TRIM37: variants seen among roughly 807,000 people sequenced by gnomAD.
TRIM37 encodes tripartite motif containing 37.
Under a neutral mutation model 129.8 loss-of-function variants are expected in TRIM37, and 80 were observed. The ratio of observed to expected loss-of-function variants is 0.62; its 90% CI spans 0.51 to 0.74. The LOEUF (loss-of-function observed/expected upper bound fraction) is 0.74. Among genes scored for constraint, TRIM37 ranks in the 30% least tolerant of loss-of-function variants. The pLI, the probability that TRIM37 is intolerant of heterozygous loss-of-function variation, is 0.00. For synonymous variants in TRIM37, 389 were observed against 387.1 expected (o/e 1.00, Z -0.06); for missense variants, 1,054 against 1,176.5 (o/e 0.90, Z 1.52).
chr17:59,103,820 G>T (rs542830099), intron 2 of TRIM37, among the ~76,000 whole-genome samples: 2 of 151,726 alleles, frequency 1.3e-5, no homozygotes, highest in African/African-American at 4.8e-5. Context: ...GCTAATTTTT[G>T]TATTTTTAGT....
At chr17:59,026,878 T>A (rs908356444) in intron 19 of TRIM37, among the ~76,000 whole-genome samples, 3 of 152,230 alleles carry the variant, frequency 2.0e-5, no homozygotes, top group African/African-American at 7.2e-5. Flanking sequence ...CTTCTTGAGA[T>A]GCATTATTTT....
intron 17 of TRIM37, among the ~76,000 whole-genome samples, chr17:59,041,069 T>C (rs1407514019): frequency 6.6e-6 from 1 of 151,372 alleles, no homozygotes; most frequent in Admixed American, 6.6e-5. Context: ...AAAAAAAGAA[T>C]ATGCCAGTGT....
At chr17:59,063,294 C>T (rs2041656443) in intron 10 of TRIM37, among the ~76,000 whole-genome samples, 1 of 152,272 alleles carries the variant, frequency 6.6e-6, no homozygotes, top group East Asian at 1.9e-4. Flanking sequence ...ATTCTCCTGC[C>T]TCAGCCTCCC....
At chr17:59,101,297 G>A (rs1345359056) in intron 2 of TRIM37, among the ~76,000 whole-genome samples, 3 of 151,946 alleles carry the variant, frequency 2.0e-5, no homozygotes, top group African/African-American at 7.3e-5. Flanking sequence ...GAGGCTTCTG[G>A]GGAAAAGAAA....
At chr17:58,991,129 C>T (rs936716663) in intron 24 of TRIM37, among the ~76,000 whole-genome samples, 24 of 144,248 alleles carry the variant, frequency 1.7e-4, no homozygotes, top group African/African-American at 5.9e-4. Context: ...GAGCTGAGAT[C>T]GCAGTATTGC....
intron 2 of TRIM37, among the ~76,000 whole-genome samples, chr17:59,097,961 A>C (rs1042970531): frequency 6.6e-6 from 1 of 152,216 alleles, no homozygotes; most frequent in Non-Finnish European, 1.5e-5. Context: ...TTTAAAATTC[A>C]CATGGAATCT....
Position 58,988,815 on chromosome 17 carries a change from C to A in TRIM37, c.2892-5894G>T, listed in dbSNP as rs564483395. Among the ~76,000 whole-genome samples the A allele has an allele frequency of 4.6e-5, 7 of 152,272 alleles. No homozygotes were observed. The East Asian group carries it at 1.3e-3, about 29-fold the overall frequency. ...AGGTATCATCACAGGAACTCGAGAC[C>A]ACTAAGGATAATCATAGCAAATCCA... On this transcript the variant is annotated intron_variant, in intron 24 of 24. Transcript: ENST00000393066.
intron 9 of TRIM37, among the ~76,000 whole-genome samples, 161 bp downstream of exon 9, chr17:59,070,662 A>T (rs2042283766): frequency 6.6e-6 from 1 of 152,042 alleles, no homozygotes; most frequent in Non-Finnish European, 1.5e-5. Flanking sequence ...AAATCACTTG[A>T]GTCCAGGAGT....
At chr17:59,022,281 G>C (rs2036700700) in intron 19 of TRIM37, among the ~76,000 whole-genome samples, 1 of 151,900 alleles carries the variant, frequency 6.6e-6, no homozygotes, top group Non-Finnish European at 1.5e-5. Flanking sequence ...AAACTAAATA[G>C]GATGCATTCC....
chr17:59,028,663 G>C lies in TRIM37; in HGVS notation c.2009C>G (p.Ser670Cys). ...GAGTCTTTTTAGCATCTTTAAATCA[G>C]AGGGCACTCGCCACATTGCCTGTTG... is the stretch of plus-strand genomic sequence containing the variant. ...RKQQAMWRVP[S>C]DLKMLKRLKT... is the part of the protein sequence containing the mutation. Residue 670 changes from serine (S) to cysteine (C), a missense_variant, in exon 19 of 24, where the codon TCT becomes TGT. Physicochemically the swap from Ser to Cys is moderately radical, Grantham distance 112. This residue lies in a region of TRIM37 where 752 missense variants were observed against 870.8 expected (regional missense o/e 0.86). Coordinates refer to ENST00000262294, the MANE Select transcript of TRIM37 (RefSeq NM_015294.6). The C allele has an allele frequency of 1.2e-6, 2 of 1,614,188 alleles. No homozygotes were observed. The highest frequency in any genetic ancestry group is 1.7e-6 in the Non-Finnish European group (2 of 1,180,034).
chr17:59,086,089 G>A lies in TRIM37; in HGVS notation c.282-2000C>T, dbSNP rs557797248. The stretch of plus-strand genomic sequence containing the variant: ...AGTTTCAGATTTGCAAGTTTAAAAA[G>A]TTCTGGAGATTGGCTGAACATGTGA... On this transcript the variant is annotated intron_variant, in intron 4 of 23. Transcript: ENST00000262294. Among the ~76,000 whole-genome samples, 45 of 152,196 alleles carry A rather than the reference G, an allele frequency of 3.0e-4. 1 individual carries two copies. In the East Asian group the frequency reaches 8.3e-3, roughly 28 times the overall value.
At chr17:59,078,718 G>T (rs2146990733) in intron 7 of TRIM37, among the ~76,000 whole-genome samples, 1 of 152,240 alleles carries the variant, frequency 6.6e-6, no homozygotes, top group East Asian at 1.9e-4. Context: ...TCATTTACAT[G>T]AAATATATAA....
chr17:59,072,279 T>C (rs1275492405), intron 8 of TRIM37, among the ~76,000 whole-genome samples: 2 of 152,138 alleles, frequency 1.3e-5, no homozygotes, highest in African/African-American at 2.4e-5. Context: ...AGAAAACAAA[T>C]TTCTATTGTT....
chr17:58,987,564 G>C (rs1176522592), intron 24 of TRIM37, among the ~76,000 whole-genome samples: 1 of 152,214 alleles, frequency 6.6e-6, no homozygotes, highest in South Asian at 2.1e-4. Flanking sequence ...CTTACCATTT[G>C]CTCTTAAGCA....
intron 9 of TRIM37, among the ~76,000 whole-genome samples, chr17:59,069,187 A>C (rs2042163238): frequency 6.6e-6 from 1 of 151,994 alleles, no homozygotes. Context: ...TCTCTACTAA[A>C]AATACAAAAC....
downstream of TRIM37, among the ~76,000 whole-genome samples, chr17:58,996,052 T>A (rs957379700): frequency 6.6e-6 from 1 of 152,044 alleles, no homozygotes; most frequent in Non-Finnish European, 1.5e-5. Flanking sequence ...CTGCATAGTT[T>A]CAAAGTATCT....
At chr17:59,062,475 G>C (rs1018975081) in intron 11 of TRIM37, 92 bp downstream of exon 11, 1 of 1,021,466 alleles carries the variant, frequency 9.8e-7, no homozygotes, top group South Asian at 1.4e-5. Context: ...AAAAAGAAGA[G>C]TTAACAGTTC....
intron 24 of TRIM37, among the ~76,000 whole-genome samples, chr17:58,990,717 G>C (rs971133271): frequency 6.6e-6 from 1 of 150,838 alleles, no homozygotes; most frequent in African/African-American, 2.4e-5. Context: ...CTTGAACCCG[G>C]GAGGCAGAGG....
At chr17:59,011,046 T>C (rs2035189631) in intron 22 of TRIM37, among the ~76,000 whole-genome samples, 1 of 151,868 alleles carries the variant, frequency 6.6e-6, no homozygotes, top group Non-Finnish European at 1.5e-5. Flanking sequence ...GGCAAGCGCC[T>C]GTAATCCCAG....
Sources: allele counts gnomAD v4.1 joint callset (sites outside exome capture counted in the v4.1 genomes callset), GRCh38; gene constraint gnomAD v4.1.1; regional missense constraint gnomAD v4.1.1; transcripts MANE v1.5; gene names NCBI Gene and HGNC (gene_info 2026-07-23, HGNC 2026-07-21).